MAP3K11: variants seen among roughly 807,000 people sequenced by gnomAD.
MAP3K11 encodes the protein SH3 domain-containing proline-rich kinase.
MAP3K11 carries 46 observed loss-of-function variants against 84.9 expected under a neutral mutation model. That is an observed-to-expected ratio of 0.54 (90% CI 0.43 to 0.69). The LOEUF is 0.69. Ranked by LOEUF, MAP3K11 falls within the 30% of genes least tolerant of loss-of-function variation. MAP3K11 has a pLI of 0.00. For missense variants in MAP3K11, 1,053 were observed against 1,198.3 expected (o/e 0.88, Z 1.79); for synonymous variants, 527 against 514.7 (o/e 1.02, Z -0.32).
intron 9 of MAP3K11, among the ~76,000 whole-genome samples, 191 bp downstream of exon 9, chr11:65,599,203 G>A (rs535287370): frequency 2.6e-5 from 4 of 152,088 alleles, no homozygotes; most frequent in Non-Finnish European, 5.9e-5. Context: ...CCACCTGCCT[G>A]GACCACCTGA....
chr11:65,612,777 T>C (rs1784223), intron 1 of MAP3K11: 127,909 of 403,374 alleles, frequency 0.32, 21,669 homozygotes, highest in African/African-American at 0.41. Flanking sequence ...TTTCTTAACT[T>C]GTCCAAACCG....
intron 2 of MAP3K11, 23 bp from the exon 3 acceptor site, chr11:65,608,093 G>C: frequency 6.2e-7 from 1 of 1,610,036 alleles, no homozygotes; most frequent in Non-Finnish European, 8.5e-7. Context: ...CAACAGGTCT[G>C]TGTTCCCTTT....
chr11:65,605,661 G>A, intron 8 of MAP3K11, 100 bp downstream of exon 8: 1 of 808,602 alleles, frequency 1.2e-6, no homozygotes, highest in Non-Finnish European at 1.9e-6. Flanking sequence ...AGAGCAACCA[G>A]GGCAGGACTC....
At chr11:65,605,917 C>G (rs910193830) in intron 7 of MAP3K11, 29 bp downstream of exon 7, 15 of 1,609,372 alleles carry the variant, frequency 9.3e-6, no homozygotes, top group Admixed American at 6.7e-5. Flanking sequence ...GCAAATGATG[C>G]TGGGTCTGGG....
chr11:65,611,005 G>A (rs1354006007), intron 1 of MAP3K11: 1 of 152,382 alleles, frequency 6.6e-6, no homozygotes, highest in East Asian at 1.9e-4. Context: ...ACCCAGAGGA[G>A]AATGGGCCAG....
Position 65,599,643 on chromosome 11 carries a change from C to T in MAP3K11, c.1957G>A (p.Ala653Thr), listed in dbSNP as rs766364469. 36 of 1,536,402 alleles carry T rather than the reference C, an allele frequency of 2.3e-5. No homozygotes were observed. In the Admixed American group the frequency reaches 4.7e-4, roughly 20 times the overall value. ...AGGTCGCGGCCAAGGCCCAGCGAGG[C>T]GAGCAGGGCGGTGCCGCGCAGCAGC... ...RALLRGTALL[A>T]SLGLGRDLQP... Residue 653 changes from alanine (A) to threonine (T), a missense_variant, in exon 9 of 10, where the codon GCC (alanine) becomes ACC (threonine). Transcript: ENST00000309100.
intron 1 of MAP3K11, chr11:65,609,881 C>T (rs1413676434): frequency 6.6e-6 from 1 of 152,388 alleles, no homozygotes; most frequent in Non-Finnish European, 1.5e-5. Flanking sequence ...AAGCCCTGAT[C>T]CTGCTGCTGG....
At position 65,599,604 on chromosome 11, in the gene MAP3K11, C is replaced by T. The variant is rs1442610236; in HGVS notation, c.1996G>A (p.Gly666Ser). The T allele has an allele frequency of 6.5e-7, 1 of 1,539,500 alleles. No individual in the cohort carries two copies. The highest frequency in any genetic ancestry group is 1.4e-5 in the African/African-American group (1 of 69,938). Residue 666 changes from glycine (G) to serine (S), a missense_variant, in exon 9 of 10, where the codon GGC becomes AGC. Gly to Ser is a moderately conservative substitution (Grantham distance 56, BLOSUM62 0). Coordinates refer to ENST00000309100, the MANE Select transcript of MAP3K11 (RefSeq NM_002419.4). ...GACTCCCCGCGCTCGCGTCCTGGGC[C>T]TCCCGGCGGCTGCAGGTCGCGGCCA... ...GLGRDLQPPG[G>S]PGRERGESPT...
chr11:65,597,882 A>C lies in MAP3K11; in HGVS notation c.*409T>G. 5.9e-6 allele frequency: 1 copy of C among 169,604 alleles called. No homozygotes were observed. Among genetic ancestry groups the C allele is most frequent in the Admixed American group, 6.4e-5 (1 of 15,712 alleles). 10.5% of individuals were successfully genotyped at this position (169,604 alleles called of 1,614,324 possible). A position where few individuals can be genotyped will look rare whatever the true frequency, so the allele number is the denominator to read the frequency against. ...CCTGGCCCCAGATGACCCCCAGGGC[A>C]GGAGGTCCATGCTCTAAGCCCTAGG... On this transcript the variant is annotated 3_prime_UTR_variant, in exon 10 of 10. Transcript: ENST00000309100.
Position 65,608,477 on chromosome 11 carries a change from C to T in MAP3K11, c.740-29G>A, listed in dbSNP as rs772229508. Reference sequence around the variant, plus strand: ...GAGAAGAGGGGCCAGATTGTGGATGCTCCAGGATCAGGTGGTGGGGACAGG... The same window carrying T: ...GAGAAGAGGGGCCAGATTGTGGATGTTCCAGGATCAGGTGGTGGGGACAGG... On this transcript the variant is annotated intron_variant, in intron 1 of 9. Coordinates refer to ENST00000309100, the MANE Select transcript of MAP3K11 (RefSeq NM_002419.4). 6 of 1,610,190 alleles carry T rather than the reference C, an allele frequency of 3.7e-6. No individual in the cohort carries two copies. In the Admixed American group the frequency reaches 1.0e-4, roughly 27 times the overall value.
rs748169286 is a variant in MAP3K11, at chr11:65,613,432, AG to A, written c.324del (p.Cys109AlafsTer14). The A allele has an allele frequency of 3.1e-6, 5 of 1,612,110 alleles. No homozygotes were observed. Among genetic ancestry groups the A allele is most frequent in the Non-Finnish European group, 4.2e-6 (5 of 1,179,462 alleles). ...AGCTCCTGGAAGCTGGCCACCTCGC[AG>A]GGGGGCGGGCCGCCACCCCGAGACA... ...NYVSRGGGPP[P>X]CEVASFQELR... On this transcript the variant is annotated frameshift_variant, in exon 1 of 10. Coordinates refer to ENST00000309100, the MANE Select transcript of MAP3K11 (RefSeq NM_002419.4). LOFTEE classifies it high-confidence loss of function.
At chr11:65,611,147 C>T (rs1854567041) in intron 1 of MAP3K11, 1 of 152,668 alleles carries the variant, frequency 6.6e-6, no homozygotes, top group African/African-American at 2.4e-5. Context: ...GCTCACACCT[C>T]TTCCGCTTTC....
chr11:65,600,610 CA>C (rs1490206574), intron 8 of MAP3K11, among the ~76,000 whole-genome samples: 13 of 152,210 alleles, frequency 8.5e-5, no homozygotes, highest in Non-Finnish European at 1.9e-4. Context: ...GGCCTGACTC[CA>C]TTCTAGACCA....
At chr11:65,612,919 C>A in intron 1 of MAP3K11, 99 bp downstream of exon 1, 1 of 1,386,272 alleles carries the variant, frequency 7.2e-7, no homozygotes, top group Non-Finnish European at 9.5e-7. Context: ...AGGGTGGGAG[C>A]TCCTACCTGC....
chr11:65,608,475 T>C (rs1854538614), intron 1 of MAP3K11, 27 bp from the exon 2 acceptor site: 1 of 1,611,412 alleles, frequency 6.2e-7, no homozygotes, highest in Non-Finnish European at 8.5e-7. Flanking sequence ...AGATTGTGGA[T>C]GCTCCAGGAT....
chr11:65,609,075 A>G (rs1159565644), intron 1 of MAP3K11: 1 of 152,410 alleles, frequency 6.6e-6, no homozygotes, highest in Non-Finnish European at 1.5e-5. Flanking sequence ...CTCTGAAACC[A>G]GTGTTCTAGC....
intron 8 of MAP3K11, among the ~76,000 whole-genome samples, chr11:65,604,813 G>A (rs1006524319): frequency 3.9e-5 from 6 of 152,182 alleles, no homozygotes; most frequent in Non-Finnish European, 8.8e-5. Flanking sequence ...TTCTGGCTGT[G>A]AGCAGCAGGT....
intron 3 of MAP3K11, 28 bp downstream of exon 3, chr11:65,607,894 A>G: frequency 1.9e-6 from 3 of 1,610,542 alleles, no homozygotes; most frequent in Non-Finnish European, 1.7e-6. Context: ...GGAGCTCTGT[A>G]CCTCACCTGC....
rs756124082 is a variant in MAP3K11, at chr11:65,599,644, G to A, written c.1956C>T (p.Leu652=). The stretch of plus-strand genomic sequence containing the variant: ...GGTCGCGGCCAAGGCCCAGCGAGGC[G>A]AGCAGGGCGGTGCCGCGCAGCAGCG... ...QRALLRGTAL[L]ASLGLGRDLQ... The change falls in exon 9 of 10, where the codon CTC becomes CTT. Residue 652 remains leucine, a synonymous_variant. Transcript: ENST00000309100. 143 of 1,544,864 alleles carry A rather than the reference G, an allele frequency of 9.3e-5. No individual in the cohort carries two copies. Among genetic ancestry groups the A allele is most frequent in the Non-Finnish European group, 1.1e-4 (131 of 1,149,750 alleles).
Sources: gnomAD v4.1 joint callset for allele counts (sites outside exome capture counted in the v4.1 genomes callset) on GRCh38, gnomAD v4.1.1 for gene constraint, MANE v1.5 for transcripts, NCBI Gene and HGNC (gene_info 2026-07-23, HGNC 2026-07-21) for gene names.